Variants in DST observed in about 807,000 individuals in gnomAD.
The protein encoded by DST is dystonin.
In DST, 253 loss-of-function variants were observed where a neutral mutation model predicts 875.2. The observed-to-expected ratio is 0.29, with a 90% CI of 0.26 to 0.32. The LOEUF is 0.32. DST is among the 10% of genes least tolerant of loss of function. The pLI is 1.00. For synonymous variants in DST, 3,124 were observed against 3,197.1 expected (o/e 0.98, Z 0.77); for missense variants, 8,287 against 9,111.6 (o/e 0.91, Z 3.68).
intron 4 of DST, among the ~76,000 whole-genome samples, chr6:56,735,714 G>T (rs555593114): frequency 6.6e-6 from 1 of 152,284 alleles, no homozygotes; most frequent in East Asian, 1.9e-4. Context: ...ACTTAACGAG[G>T]ATAAAAGACT....
At chr6:56,581,513 G>A (rs1243558547) in intron 49 of DST, among the ~76,000 whole-genome samples, 1 of 152,186 alleles carries the variant, frequency 6.6e-6, no homozygotes, top group Non-Finnish European at 1.5e-5. Flanking sequence ...GCGTATCTCT[G>A]AGTGAACAGA....
rs1380303805 is a variant in DST at position 56,458,327 on chromosome 6, C to T, written c.*678G>A. ...AGTTCAATGATACAGGTGCTACTGT[C>T]CACTCAAGCAAAAGAAAACCTCACA... is the stretch of plus-strand genomic sequence containing the variant. On this transcript the variant is annotated 3_prime_UTR_variant, in exon 104 of 104. Coordinates refer to ENST00000680361, the MANE Select transcript of DST (RefSeq NM_001374736.1). The T allele has an allele frequency of 6.6e-6, 1 of 152,570 alleles. No homozygotes were observed. The highest frequency in any genetic ancestry group is 2.4e-5 in the African/African-American group (1 of 41,456). The allele number at this position is 152,570 out of a possible 1,614,324, so 9.5% of individuals were successfully genotyped here.
chr6:56,639,738 T>C lies in DST; in HGVS notation c.2655A>G (p.Ala885=). The change falls in exon 20 of 104, where the codon GCA becomes GCG. Residue 885 remains alanine, a synonymous_variant. Transcript: ENST00000680361. ...GACTCTCTAATCTGTGCAACTTTTC[T>C]GCATAAGTCAGTTTAAGAGGTGCTG... ...QMTAPLKLTY[A]EKLHRLESQY... 3.1e-6 allele frequency: 5 copies of C among 1,613,898 alleles called. No homozygotes were observed. The highest frequency in any genetic ancestry group is 4.2e-6 in the Non-Finnish European group (5 of 1,179,890).
Position 56,589,180 on chromosome 6 carries a change from T to C in DST, c.12903+3002A>G, listed in dbSNP as rs2098222959. ...ATACATCTAAAAGTGATCATGGTTCTATTAGAATATCCAATACCAAAGATG... is the reference window on the plus strand; with the variant it reads ...ATACATCTAAAAGTGATCATGGTTCCATTAGAATATCCAATACCAAAGATG... On this transcript the variant is annotated intron_variant, in intron 49 of 103. Transcript: ENST00000680361. 2.6e-5 allele frequency among the ~76,000 whole-genome samples: 4 copies of C among 152,242 alleles called. No individual in the cohort carries two copies. The South Asian group carries it at 8.3e-4, about 31-fold the overall frequency.
Position 56,555,735 on chromosome 6 carries a change from T to C in DST, c.14746A>G (p.Ile4916Val), listed in dbSNP as rs781410409. The change falls in exon 60 of 104, where the codon ATT becomes GTT. Residue 4916 changes from isoleucine to valine, a missense_variant. Transcript: ENST00000680361. Reference protein sequence around the residue: ...RPGEDPSLRGIVKEQLAAVTQ... With the variant: ...RPGEDPSLRGVVKEQLAAVTQ... ...ACAGCTGCCAGTTGCTCTTTCACAA[T>C]CCCACGTAAAGAAGGGTCTTCTCCA... is the stretch of plus-strand genomic sequence containing the variant. 1 of 1,607,850 alleles carries C rather than the reference T, an allele frequency of 6.2e-7. No individual in the cohort carries two copies. The highest frequency in any genetic ancestry group is 8.5e-7 in the Non-Finnish European group (1 of 1,174,724).
At chr6:56,912,861 T>C (rs1226954699) in intron 2 of DST, among the ~76,000 whole-genome samples, 1 of 152,182 alleles carries the variant, frequency 6.6e-6, no homozygotes, top group Non-Finnish European at 1.5e-5. Flanking sequence ...AGTTACAAGG[T>C]CATCACCAAG....
chr6:56,501,024 T>A (rs2096103201), intron 80 of DST, 56 bp downstream of exon 80: 1 of 1,538,360 alleles, frequency 6.5e-7, no homozygotes, highest in African/African-American at 1.4e-5. Context: ...CCAAGAAATC[T>A]GATGACACTA....
At chr6:56,465,630 T>A (rs1373893493) in intron 99 of DST, among the ~76,000 whole-genome samples, 2 of 152,282 alleles carry the variant, frequency 1.3e-5, no homozygotes, top group African/African-American at 2.4e-5. Flanking sequence ...AAAAATTTTT[T>A]AATTATGGCT....
chr6:56,651,583 C>T (rs2098976036), intron 10 of DST, among the ~76,000 whole-genome samples: 1 of 152,214 alleles, frequency 6.6e-6, no homozygotes, highest in Non-Finnish European at 1.5e-5. Flanking sequence ...CAACCAGCAT[C>T]CTGTCAATGT....
chr6:56,945,570 ACT>A (rs1231305758), intron 2 of DST, among the ~76,000 whole-genome samples: 1 of 148,118 alleles, frequency 6.8e-6, no homozygotes, highest in Non-Finnish European at 1.5e-5. Context: ...AAAGCAGGTG[ACT>A]CTGAACCTAG....
intron 3 of DST, among the ~76,000 whole-genome samples, chr6:56,854,871 T>C (rs1490217896): frequency 1.3e-5 from 2 of 152,196 alleles, no homozygotes; most frequent in Non-Finnish European, 2.9e-5. Context: ...AAACTTTGCA[T>C]ATCATTTTAT....
chr6:56,670,172 G>A (rs939893822), intron 10 of DST, among the ~76,000 whole-genome samples: 3 of 145,476 alleles, frequency 2.1e-5, no homozygotes, highest in Non-Finnish European at 4.6e-5. Context: ...GTGTGTGTGT[G>A]TATAAGCTAC....
chr6:56,640,812 C>T (rs1005392179), intron 17 of DST, among the ~76,000 whole-genome samples: 2 of 152,104 alleles, frequency 1.3e-5, no homozygotes, highest in Non-Finnish European at 2.9e-5. Context: ...GTATTTTTCA[C>T]TCAATTTTTC....
chr6:56,461,010 A>T (rs1014020260), intron 102 of DST: 2 of 152,212 alleles, frequency 1.3e-5, no homozygotes, highest in African/African-American at 4.8e-5. Context: ...ATTCTCCCAA[A>T]GTTAAAAAAA....
intron 10 of DST, among the ~76,000 whole-genome samples, chr6:56,655,400 C>T (rs1414290857): frequency 6.6e-6 from 1 of 151,990 alleles, no homozygotes; most frequent in Non-Finnish European, 1.5e-5. Context: ...AAATCCTGAA[C>T]CAAAAATGTG....
At chr6:56,824,764 G>A (rs1054167876) in intron 4 of DST, among the ~76,000 whole-genome samples, 5 of 151,164 alleles carry the variant, frequency 3.3e-5, no homozygotes, top group African/African-American at 1.2e-4. Flanking sequence ...GAGTCCCTCC[G>A]CCCGGCAGCT....
At chr6:56,501,913 T>C (rs1341729295) in intron 78 of DST, among the ~76,000 whole-genome samples, 1 of 152,144 alleles carries the variant, frequency 6.6e-6, no homozygotes, top group African/African-American at 2.4e-5. Flanking sequence ...GGATAGATGT[T>C]TCTATTTATA....
At chr6:56,771,405 T>C (rs2099662962) in intron 4 of DST, among the ~76,000 whole-genome samples, 1 of 152,208 alleles carries the variant, frequency 6.6e-6, no homozygotes, top group South Asian at 2.1e-4. Flanking sequence ...GTCTGTGATA[T>C]AATAGGTAAA....
At chr6:56,511,730 T>C (rs1279208441) in intron 72 of DST, among the ~76,000 whole-genome samples, 1 of 152,152 alleles carries the variant, frequency 6.6e-6, no homozygotes, top group Admixed American at 6.5e-5. Flanking sequence ...TATATAAAAG[T>C]ATTCTGAACT....
Sources: allele counts gnomAD v4.1 joint callset (sites outside exome capture counted in the v4.1 genomes callset), GRCh38; gene constraint gnomAD v4.1.1; transcripts MANE v1.5; gene names NCBI Gene and HGNC (gene_info 2026-07-23, HGNC 2026-07-21).